Variants in NHSL1 observed in about 807,000 individuals in gnomAD.
NHSL1 encodes the protein NHS-like protein 1.
Under a neutral mutation model 95.0 loss-of-function variants are expected in NHSL1, and 48 were observed. That is an observed-to-expected ratio of 0.51 (90% confidence interval 0.40 to 0.64). The LOEUF is 0.64. Ranked by LOEUF, NHSL1 falls within the 30% of genes least tolerant of loss-of-function variation. NHSL1 has a pLI of 0.00. For synonymous variants in NHSL1, 783 were observed against 833.9 expected, an observed-to-expected ratio of 0.94 and a Z score of 1.05; for missense variants, 1,971 against 2,077.7, an observed-to-expected ratio of 0.95 and a Z score of 1.00.
At chr6:138,555,274 T>C (rs9495126) in intron 1 of NHSL1, among the ~76,000 whole-genome samples, 44,627 of 152,086 alleles carry the variant, frequency 0.29, 11,548 homozygotes, top group African/African-American at 0.71. Flanking sequence ...ACTTACCATT[T>C]TGTTCATGGT....
chr6:138,430,470 T>C lies in NHSL1; in HGVS notation c.3875A>G (p.Lys1292Arg), dbSNP rs768628201. Residue 1292 changes from lysine to arginine, a missense_variant, in exon 6 of 8, where the codon AAG (lysine) becomes AGG (arginine). By Grantham distance (26) the Lys-to-Arg change is conservative. Transcript: ENST00000343505. This position sits in a 1 kb window ranked among gnomAD's most constrained non-coding sequence, Gnocchi z 4.7. ...MVQPDVSPAP[K>R]QEEPAENSAD... ...ACTGTTCTCGGCTGGCTCCTCCTGC[T>C]TGGGGGCTGGTGAGACATCAGGCTG... is the stretch of plus-strand genomic sequence containing the variant. The C allele has an allele frequency of 2.1e-5, 32 of 1,550,102 alleles. 1 individual carries two copies. In the South Asian group the frequency reaches 2.4e-4, roughly 12 times the overall value.
upstream of NHSL1, among the ~76,000 whole-genome samples, chr6:138,575,826 GT>G (rs1199251981): frequency 6.6e-6 from 1 of 152,100 alleles, no homozygotes; most frequent in African/African-American, 2.4e-5. Context: ...CCACATTTTA[GT>G]TATGTGGATT....
In NHSL1 at chr6:138,424,753, G is replaced by A; in HGVS notation, c.4149C>T (p.Pro1383=). ...CGCCGGTGGGTGTCACGGGCGGGGA[G>A]GGAGAATGGTTTCGGGAGTGGTCAT... is the stretch of plus-strand genomic sequence containing the variant. The part of the protein sequence containing the change: ...SDDDHSRNHS[P]SPPVTPTGAA... The change falls in exon 8 of 8, where the codon CCC becomes CCT. Residue 1383 remains proline, a synonymous_variant. Coordinates refer to ENST00000343505, the MANE Select transcript of NHSL1 (RefSeq NM_001144060.2). The surrounding 1 kb of genome is among the most constrained non-coding windows in gnomAD (Gnocchi z 5.9). 6.4e-7 allele frequency: 1 copy of A among 1,551,362 alleles called. No homozygotes were observed. The highest frequency in any genetic ancestry group is 8.7e-7 in the Non-Finnish European group (1 of 1,146,792).
intron 7 of NHSL1, among the ~76,000 whole-genome samples, chr6:138,426,230 A>G (rs62432498): frequency 0.043 from 6,509 of 152,264 alleles, 224 homozygotes; most frequent in Non-Finnish European, 0.058. Flanking sequence ...TGCAGCAGGG[A>G]AAGGTTGAGA....
intron 1 of NHSL1, among the ~76,000 whole-genome samples, chr6:138,525,510 G>A (rs1250260469): frequency 2.7e-5 from 4 of 149,582 alleles, no homozygotes; most frequent in African/African-American, 7.4e-5. Context: ...CCTGAACAAC[G>A]AAGTGAGACC....
At chr6:138,614,161 A>G (rs1414942885) in intron 1 of NHSL1, among the ~76,000 whole-genome samples, 3 of 152,208 alleles carry the variant, frequency 2.0e-5, no homozygotes, top group African/African-American at 7.2e-5. Context: ...AATGTAATGT[A>G]AATAGAAATT....
At chr6:138,593,156 G>A (rs890605086) in intron 1 of NHSL1, among the ~76,000 whole-genome samples, 6 of 152,160 alleles carry the variant, frequency 3.9e-5, no homozygotes, top group Non-Finnish European at 8.8e-5. Flanking sequence ...TAAAGGATCC[G>A]AGTGACAAAT....
In NHSL1 at chr6:138,670,363, T is replaced by C. The variant is rs142448472; in HGVS notation, c.96+22113A>G. Among the ~76,000 whole-genome samples, 670 of 145,134 alleles carry C rather than the reference T, an allele frequency of 4.6e-3. 3 individuals are homozygous for C. The highest frequency in any genetic ancestry group is 0.017 in the African/African-American group (647 of 38,046). On this transcript the variant is annotated intron_variant, in intron 1 of 3. Coordinates refer to the NHSL1 transcript ENST00000491526. ...AAAAAACAACTTGCAGCAAACACCG[T>C]TGAAGGTAAAAAAAAAAAAAAGGCC...
chr6:138,562,765 G>A (rs182781195), intron 1 of NHSL1, among the ~76,000 whole-genome samples: 24 of 151,814 alleles, frequency 1.6e-4, no homozygotes, highest in Admixed American at 5.3e-4. Flanking sequence ...GTCTTTTCTC[G>A]GTTACGACAG....
At chr6:138,656,707 T>C (rs1285783206) in intron 1 of NHSL1, among the ~76,000 whole-genome samples, 1 of 152,186 alleles carries the variant, frequency 6.6e-6, no homozygotes, top group Non-Finnish European at 1.5e-5. Context: ...CGTAGGATAA[T>C]TTGTGGTGCT....
intron 1 of NHSL1, among the ~76,000 whole-genome samples, chr6:138,579,548 T>C (rs915862196): frequency 3.9e-5 from 6 of 152,232 alleles, no homozygotes; most frequent in Non-Finnish European, 8.8e-5. Context: ...CTTTTCTTCA[T>C]TTATTAGGAC....
chr6:138,679,090 T>A (rs938463094), intron 1 of NHSL1, among the ~76,000 whole-genome samples: 2 of 152,210 alleles, frequency 1.3e-5, no homozygotes, highest in Non-Finnish European at 2.9e-5. Flanking sequence ...AATCCTCATC[T>A]TTCCACAAGA....
chr6:138,447,726 T>C (rs1237133086), intron 3 of NHSL1, among the ~76,000 whole-genome samples: 2 of 152,140 alleles, frequency 1.3e-5, no homozygotes, highest in Non-Finnish European at 2.9e-5. Context: ...TGAGCCAAGA[T>C]TGTGCCACTG....
At chr6:138,666,895 A>G (rs996521156) in intron 1 of NHSL1, among the ~76,000 whole-genome samples, 8 of 152,336 alleles carry the variant, frequency 5.3e-5, no homozygotes, top group East Asian at 1.9e-4. Context: ...ACCACCAATA[A>G]GAGTACAGAC....
At position 138,432,084 on chromosome 6, in the gene NHSL1, G is replaced by T; in HGVS notation, c.2261C>A (p.Pro754His). 1 of 1,551,654 alleles carries T rather than the reference G, an allele frequency of 6.4e-7. No homozygotes were observed. Among genetic ancestry groups the T allele is most frequent in the Non-Finnish European group, 8.7e-7 (1 of 1,146,978 alleles). ...GGCCCCGCACAGGGAGTAGACATTGGGGGTGGTGGCGGAAGTCATGCTGCT... is the reference window on the plus strand; with the variant it reads ...GGCCCCGCACAGGGAGTAGACATTGTGGGTGGTGGCGGAAGTCATGCTGCT... Reference protein sequence around the residue: ...AGSSMTSATTPNVYSLCGATP... With the variant: ...AGSSMTSATTHNVYSLCGATP... Residue 754 changes from proline to histidine, a missense_variant, in exon 6 of 8, where the codon CCC becomes CAC. Physicochemically the swap from Pro to His is moderately conservative, Grantham distance 77. Transcript: ENST00000343505. The surrounding 1 kb of genome is among the most constrained non-coding windows in gnomAD (Gnocchi z 4.4).
At chr6:138,515,878 ACAGTG>A (rs1276936218) in intron 1 of NHSL1, among the ~76,000 whole-genome samples, 2 of 152,226 alleles carry the variant, frequency 1.3e-5, no homozygotes, top group Non-Finnish European at 2.9e-5. Flanking sequence ...CATAAAGAAG[ACAGTG>A]AATCGTCTGG....
chr6:138,448,411 A>C (rs368617029), intron 3 of NHSL1, among the ~76,000 whole-genome samples: 3 of 152,106 alleles, frequency 2.0e-5, no homozygotes, highest in Non-Finnish European at 4.4e-5. Flanking sequence ...AATTATGAAA[A>C]TAAAGCTTTT....
At chr6:138,438,521 T>C (rs1475903931) in intron 5 of NHSL1, among the ~76,000 whole-genome samples, 1 of 152,180 alleles carries the variant, frequency 6.6e-6, no homozygotes, top group African/African-American at 2.4e-5. Flanking sequence ...GGTATGTCTT[T>C]ACAGATTAAA....
chr6:138,642,854 A>G (rs1784974723), intron 1 of NHSL1, among the ~76,000 whole-genome samples: 1 of 152,142 alleles, frequency 6.6e-6, no homozygotes, highest in Non-Finnish European at 1.5e-5. Context: ...AAATCATACA[A>G]AGGAAGCTTG....
Sources: allele counts gnomAD v4.1 joint callset (sites outside exome capture counted in the v4.1 genomes callset), GRCh38; gene constraint gnomAD v4.1.1; non-coding constraint Gnocchi (gnomAD v3.1); transcripts MANE v1.5; gene names NCBI Gene and HGNC (gene_info 2026-07-23, HGNC 2026-07-21).